Variants in SORL1 observed in about 807,000 individuals in gnomAD.
SORL1 encodes the protein sortilin related receptor 1, also known as sortilin-related receptor.
In SORL1, 127 loss-of-function variants were observed where a neutral mutation model predicts 273.7. That is an observed-to-expected ratio of 0.46 (90% CI 0.40 to 0.54). The LOEUF is 0.54. Among genes scored for constraint, SORL1 ranks in the 20% least tolerant of loss-of-function variants. SORL1 has a pLI of 0.00. For missense variants in SORL1, 2,494 were observed against 2,846.1 expected (o/e 0.88, Z 2.81); for synonymous variants, 1,031 against 1,067.4 (o/e 0.97, Z 0.66).
At chr11:121,606,006 C>G (rs911916205) in intron 35 of SORL1, among the ~76,000 whole-genome samples, 3 of 152,196 alleles carry the variant, frequency 2.0e-5, no homozygotes, top group Admixed American at 6.5e-5. Context: ...CTCACCACCT[C>G]AGTCTTCCCA....
At chr11:121,453,633 G>A (rs1291544858) in intron 1 of SORL1, among the ~76,000 whole-genome samples, 1 of 152,188 alleles carries the variant, frequency 6.6e-6, no homozygotes, top group African/African-American at 2.4e-5. Context: ...CCTGAGTTCT[G>A]CCTTTTCTCA....
chr11:121,628,082 T>A (rs1486446451), intron 47 of SORL1, among the ~76,000 whole-genome samples: 1 of 152,218 alleles, frequency 6.6e-6, no homozygotes, highest in Admixed American at 6.5e-5. Context: ...CATCCTTCAC[T>A]GAGCTGGAGG....
intron 29 of SORL1, 141 bp downstream of exon 29, chr11:121,589,531 A>G: frequency 9.5e-7 from 1 of 1,052,572 alleles, no homozygotes; most frequent in Admixed American, 1.9e-5. Flanking sequence ...GTTCCTGAAT[A>G]CTCATACGAG....
intron 8 of SORL1, among the ~76,000 whole-genome samples, chr11:121,515,530 CT>C (rs1392884786): frequency 1.3e-5 from 2 of 152,190 alleles, no homozygotes; most frequent in East Asian, 3.9e-4. Context: ...GCCAGGGTGG[CT>C]GGAAGGGCTG....
intron 41 of SORL1, 105 bp from the exon 42 acceptor site, chr11:121,618,669 G>A: frequency 1.5e-6 from 2 of 1,371,162 alleles, no homozygotes; most frequent in South Asian, 2.6e-5. Context: ...AGACTTCTCT[G>A]TGAGCTCTTT....
chr11:121,481,247 C>T (rs1188016535), intron 3 of SORL1, among the ~76,000 whole-genome samples: 2 of 111,712 alleles, frequency 1.8e-5, no homozygotes, highest in East Asian at 5.1e-4. Flanking sequence ...GCTCCATCTC[C>T]TCCTCCCCAG....
At chr11:121,534,091 G>T (rs1407545203) in intron 12 of SORL1, among the ~76,000 whole-genome samples, 3 of 152,238 alleles carry the variant, frequency 2.0e-5, no homozygotes, top group African/African-American at 7.2e-5. Context: ...CCACCCTGTA[G>T]TTGAAAGGTG....
intron 21 of SORL1, among the ~76,000 whole-genome samples, chr11:121,559,916 C>T (rs1450650780): frequency 2.0e-5 from 3 of 152,208 alleles, no homozygotes; most frequent in African/African-American, 7.2e-5. Flanking sequence ...CCCTTGGCCC[C>T]TGACTGATTG....
Position 121,629,516 on chromosome 11 carries a change from C to G in SORL1, c.6598C>G (p.Pro2200Ala), listed in dbSNP as rs746673608. The G allele has an allele frequency of 1.3e-6, 2 of 1,587,542 alleles. No homozygotes were observed. Among genetic ancestry groups the G allele is most frequent in the South Asian group, 1.1e-5 (1 of 90,554 alleles). ...DDLGEDDEDA[P>A]MITGFSDDVP... ...TCTAGGGGAAGATGATGAAGATGCC[C>G]CTATGATAACTGGATTTTCAGATGA... Residue 2200 changes from proline to alanine, a missense_variant, in exon 48 of 48, where the codon CCT becomes GCT. By Grantham distance (27) the Pro-to-Ala change is conservative. Coordinates refer to ENST00000260197, the MANE Select transcript of SORL1 (RefSeq NM_003105.6).
chr11:121,558,474 T>C, intron 19 of SORL1, 117 bp from the exon 20 acceptor site: 2 of 1,038,110 alleles, frequency 1.9e-6, no homozygotes, highest in Non-Finnish European at 2.9e-6. Context: ...GTTATAATAA[T>C]GCTGAAATAA....
At chr11:121,523,207 T>G (rs1253420309) in intron 11 of SORL1, among the ~76,000 whole-genome samples, 1 of 152,246 alleles carries the variant, frequency 6.6e-6, no homozygotes, top group Non-Finnish European at 1.5e-5. Flanking sequence ...TGAATTTTAC[T>G]GAACATTCTA....
intron 18 of SORL1, among the ~76,000 whole-genome samples, chr11:121,555,739 C>A (rs1862570806): frequency 6.6e-6 from 1 of 151,984 alleles, no homozygotes; most frequent in African/African-American, 2.4e-5. Context: ...GTGATAGCAA[C>A]AATATCATCA....
At chr11:121,537,863 A>T (rs1051271264) in intron 12 of SORL1, among the ~76,000 whole-genome samples, 4 of 152,198 alleles carry the variant, frequency 2.6e-5, no homozygotes, top group African/African-American at 9.7e-5. Flanking sequence ...CACAGTAGAT[A>T]CTTCCTTTTG....
intron 35 of SORL1, 85 bp from the exon 36 acceptor site, chr11:121,606,760 C>T: frequency 9.0e-6 from 6 of 669,404 alleles, no homozygotes; most frequent in Non-Finnish European, 7.9e-6. Context: ...TGGAGTCGTT[C>T]TTGTCCTTGT....
At chr11:121,470,694 AGTTGGGGTCTGGCTCTGTTACCCAG>A (rs1162474360) in intron 2 of SORL1, among the ~76,000 whole-genome samples, 72 of 151,242 alleles carry the variant, frequency 4.8e-4, no homozygotes, top group Admixed American at 1.1e-3. Flanking sequence ...TTTTTTTTTG[AGTTGGGGTCTGGCTCTGTTACCCAG>A]GTTGGGGTAC....
intron 8 of SORL1, among the ~76,000 whole-genome samples, chr11:121,515,672 G>C (rs892902957): frequency 1.3e-5 from 2 of 152,170 alleles, no homozygotes; most frequent in Non-Finnish European, 2.9e-5. Flanking sequence ...TTGTTTTTGA[G>C]ATGGAGTCTC....
chr11:121,622,477 A>C (rs1326683746), intron 45 of SORL1, among the ~76,000 whole-genome samples: 1 of 152,248 alleles, frequency 6.6e-6, no homozygotes, highest in Non-Finnish European at 1.5e-5. Flanking sequence ...AAAGATGAGA[A>C]TCTCTGCACT....
At position 121,605,402 on chromosome 11, in the gene SORL1, G is replaced by T. The variant is rs773723753; in HGVS notation, c.4779G>T (p.Arg1593Ser). The stretch of plus-strand genomic sequence containing the variant: ...ATATCTTTATTTTTTTTTGGGCCAG[G>T]GTGGTTGGAGAGAGCATATGGAAGA... The part of the protein sequence containing the change: ...SASCVYNVYY[R>S]VVGESIWKTL... Residue 1593 changes from arginine (R) to serine (S), a missense_variant and splice_region_variant, in exon 35 of 48, where the codon AGG (arginine) becomes AGT (serine). Physicochemically the swap from Arg to Ser is moderately radical, Grantham distance 110. Transcript: ENST00000260197. 2.5e-6 allele frequency: 4 copies of T among 1,606,296 alleles called. No homozygotes were observed. Among genetic ancestry groups the T allele is most frequent in the African/African-American group, 1.3e-5 (1 of 74,604 alleles).
chr11:121,541,651 C>T (rs1300301200), intron 12 of SORL1, among the ~76,000 whole-genome samples: 1 of 152,180 alleles, frequency 6.6e-6, no homozygotes, highest in African/African-American at 2.4e-5. Context: ...AAAAGTTTTG[C>T]ATATAATTTG....
Sources: allele counts gnomAD v4.1 joint callset (sites outside exome capture counted in the v4.1 genomes callset), GRCh38; gene constraint gnomAD v4.1.1; transcripts MANE v1.5; gene names NCBI Gene and HGNC (gene_info 2026-07-23, HGNC 2026-07-21).